The following FRMD4B variants were observed in gnomAD, a reference collection of about 807,000 sequenced individuals.
FRMD4B encodes the protein FERM domain containing 4B.
In FRMD4B, 74 loss-of-function variants were observed where a neutral mutation model predicts 141.5. That is an observed-to-expected ratio of 0.52 (90% CI 0.43 to 0.63). The LOEUF (loss-of-function observed/expected upper bound fraction) is 0.63, where lower values mean the gene tolerates loss of function less well. Among genes scored for constraint, FRMD4B ranks in the 30% least tolerant of loss-of-function variants. The pLI is 0.00. For synonymous variants in FRMD4B, 506 were observed against 467.9 expected, an observed-to-expected ratio of 1.08 and a Z score of -1.05; for missense variants, 1,366 against 1,253.4, an observed-to-expected ratio of 1.09 and a Z score of -1.36.
At chr3:69,386,151 C>A, upstream of FRMD4B, 1 of 635,618 alleles carries the variant, frequency 1.6e-6, no homozygotes, top group Admixed American at 3.7e-5. Flanking sequence ...GGCCAGGCTC[C>A]GGCGGCATGC....
At chr3:69,526,309 T>C (rs1465070618) in intron 1 of FRMD4B, among the ~76,000 whole-genome samples, 6 of 152,180 alleles carry the variant, frequency 3.9e-5, no homozygotes, top group East Asian at 3.9e-4. Context: ...CAAGCTCTAA[T>C]AGCTTACAGT....
chr3:69,453,924 G>A (rs1705541456), intron 1 of FRMD4B, among the ~76,000 whole-genome samples: 1 of 152,136 alleles, frequency 6.6e-6, no homozygotes, highest in Non-Finnish European at 1.5e-5. Context: ...GTCCCCATAA[G>A]AACTTGGTAT....
intron 4 of FRMD4B, among the ~76,000 whole-genome samples, chr3:69,295,049 T>C (rs1184316042): frequency 6.6e-6 from 1 of 152,198 alleles, no homozygotes; most frequent in Non-Finnish European, 1.5e-5. Context: ...CAGCCTGTTA[T>C]TTAGGACATA....
intron 1 of FRMD4B, among the ~76,000 whole-genome samples, chr3:69,453,782 A>ATTACTCCTAC (rs1444554141): frequency 6.6e-6 from 1 of 152,224 alleles, no homozygotes; most frequent in Non-Finnish European, 1.5e-5. Flanking sequence ...TCTAAGGTGA[A>ATTACTCCTAC]ATGGAGTAAG....
In FRMD4B at chr3:69,355,321, T is replaced by C. The variant is rs562725253; in HGVS notation, c.162+30507A>G. On this transcript the variant is annotated intron_variant, in intron 1 of 22. Coordinates refer to ENST00000398540, the MANE Select transcript of FRMD4B (RefSeq NM_015123.3). ...TAGGAGTAAATTTTCTAATATTTCA[T>C]ATACATTTCTAAAATTTTATATAGG... Among the ~76,000 whole-genome samples, 6 of 152,372 alleles carry C rather than the reference T, an allele frequency of 3.9e-5. No individual in the cohort carries two copies. In the East Asian group the frequency reaches 1.2e-3, roughly 29 times the overall value.
intron 11 of FRMD4B, among the ~76,000 whole-genome samples, chr3:69,204,370 G>A (rs1002500383): frequency 5.3e-5 from 8 of 152,094 alleles, no homozygotes; most frequent in African/African-American, 1.9e-4. Context: ...GGAGAGGCTT[G>A]GCTTTTTAAT....
chr3:69,454,422 G>C (rs1705551765), intron 1 of FRMD4B, among the ~76,000 whole-genome samples: 1 of 152,198 alleles, frequency 6.6e-6, no homozygotes, highest in Non-Finnish European at 1.5e-5. Flanking sequence ...CCCTCTGCTT[G>C]CTGGGAGGTG....
chr3:69,444,348 G>T (rs535797097), intron 1 of FRMD4B, among the ~76,000 whole-genome samples: 1 of 152,304 alleles, frequency 6.6e-6, no homozygotes, highest in South Asian at 2.1e-4. Context: ...ATTTCAGGTA[G>T]ATTTTGTGAA....
At chr3:69,523,352 A>T (rs1700882028) in intron 1 of FRMD4B, among the ~76,000 whole-genome samples, 1 of 152,158 alleles carries the variant, frequency 6.6e-6, no homozygotes, top group African/African-American at 2.4e-5. Flanking sequence ...GTTAAGGCCC[A>T]TTCACACGCA....
intron 11 of FRMD4B, among the ~76,000 whole-genome samples, chr3:69,210,781 A>G (rs1169693895): frequency 9.9e-5 from 15 of 152,122 alleles, no homozygotes; most frequent in Admixed American, 9.8e-4. Context: ...TGGGAGGCTC[A>G]GGCAGGTGGA....
intron 1 of FRMD4B, among the ~76,000 whole-genome samples, chr3:69,347,629 G>T (rs1261083980): frequency 1.1e-4 from 17 of 151,928 alleles, no homozygotes; most frequent in Non-Finnish European, 1.5e-4. Context: ...TATAACAAAC[G>T]GTCTCTCAGA....
chr3:69,304,890 A>G (rs567800642), intron 3 of FRMD4B, among the ~76,000 whole-genome samples: 12 of 152,366 alleles, frequency 7.9e-5, no homozygotes, highest in African/African-American at 2.9e-4. Context: ...CTTGAGTAAA[A>G]AATTAAAAAA....
chr3:69,427,643 G>GTTTTTGTTTT (rs1705105994), intron 2 of FRMD4B, among the ~76,000 whole-genome samples: 1 of 36,238 alleles, frequency 2.8e-5, no homozygotes, highest in African/African-American at 1.1e-4. Context: ...CTAGGTAAAT[G>GTTTTTGTTTT]TTTTTTTTTT....
intron 1 of FRMD4B, among the ~76,000 whole-genome samples, chr3:69,448,157 G>A (rs1575805541): frequency 6.6e-6 from 1 of 151,932 alleles, no homozygotes; most frequent in Admixed American, 6.6e-5. Flanking sequence ...AGCCTCCCAA[G>A]TAGCTGGGAT....
rs1418105630 is a variant in FRMD4B at position 69,196,984 on chromosome 3, C to T, written c.1008G>A (p.Trp336Ter). 6.2e-7 allele frequency: 1 copy of T among 1,605,622 alleles called. No homozygotes were observed. Among genetic ancestry groups the T allele is most frequent in the Non-Finnish European group, 8.5e-7 (1 of 1,172,252 alleles). ...FGQSGLFVQT[W>*]YANSSLIKSI... ...ACTTGATGAGAGAAGAGTTAGCATACCATGTTTGCACAAACAAGCCACTTT... is the reference window on the plus strand; with the variant it reads ...ACTTGATGAGAGAAGAGTTAGCATATCATGTTTGCACAAACAAGCCACTTT... Residue 336 changes from tryptophan (W) to a stop codon, truncating the protein, a stop_gained, in exon 13 of 23, where the codon TGG becomes TGA. Transcript: ENST00000398540. LOFTEE classifies it high-confidence loss of function.
intron 1 of FRMD4B, among the ~76,000 whole-genome samples, chr3:69,526,238 C>T (rs956402515): frequency 2.0e-5 from 3 of 152,194 alleles, no homozygotes; most frequent in African/African-American, 7.2e-5. Context: ...GATTTTTCCT[C>T]AGATGGGAAA....
intron 7 of FRMD4B, among the ~76,000 whole-genome samples, chr3:69,227,139 C>T (rs748576349): frequency 1.3e-5 from 2 of 152,158 alleles, no homozygotes; most frequent in Admixed American, 6.6e-5. Context: ...TTGAACTATA[C>T]ACAATCAGAA....
upstream of FRMD4B, among the ~76,000 whole-genome samples, chr3:69,386,921 C>T (rs545943568): frequency 1.5e-4 from 23 of 152,280 alleles, no homozygotes; most frequent in South Asian, 4.8e-3. Context: ...AAAATTCAGC[C>T]TCTGGACATG....
intron 11 of FRMD4B, among the ~76,000 whole-genome samples, chr3:69,199,570 G>A (rs1164968575): frequency 5.9e-5 from 9 of 152,330 alleles, no homozygotes; most frequent in East Asian, 1.9e-4. Flanking sequence ...CCTATGAAGA[G>A]TTCCCCTAAA....
Sources: allele counts gnomAD v4.1 joint callset (sites outside exome capture counted in the v4.1 genomes callset), GRCh38; gene constraint gnomAD v4.1.1; transcripts MANE v1.5; gene names NCBI Gene and HGNC (gene_info 2026-07-23, HGNC 2026-07-21).